The following GUCY1A1 variants were observed in gnomAD, a reference collection of about 807,000 sequenced individuals.
GUCY1A1 encodes guanylate cyclase soluble subunit alpha-1.
A neutral mutation model predicts 64.5 loss-of-function variants in GUCY1A1; 48 were observed. That is an observed-to-expected ratio of 0.74 (90% confidence interval 0.59 to 0.95). The LOEUF is 0.95. Ranked by LOEUF, GUCY1A1 falls within the 40% of genes least tolerant of loss-of-function variation. The pLI is 0.00. For missense variants in GUCY1A1, 804 were observed against 825.3 expected, an observed-to-expected ratio of 0.97 and a Z score of 0.32; for synonymous variants, 308 against 303.4, an observed-to-expected ratio of 1.02 and a Z score of -0.16.
At chr4:155,721,870 T>G (rs1281493611) in intron 8 of GUCY1A1, among the ~76,000 whole-genome samples, 168 bp from the exon 9 acceptor site, 1 of 152,152 alleles carries the variant, frequency 6.6e-6, no homozygotes, top group African/African-American at 2.4e-5. Context: ...GCACTAGTAA[T>G]TTTTAATTGC....
At chr4:155,698,136 T>C (rs1237606552) in intron 3 of GUCY1A1, among the ~76,000 whole-genome samples, 2 of 152,206 alleles carry the variant, frequency 1.3e-5, no homozygotes, top group Non-Finnish European at 2.9e-5. Context: ...GTTCAGTGAC[T>C]TGACCAAAAT....
rs536137312 is a variant in GUCY1A1 at position 155,722,277 on chromosome 4, A to G, written c.1871+85A>G. On this transcript the variant is annotated intron_variant, in intron 9 of 9. Transcript: ENST00000506455. The stretch of plus-strand genomic sequence containing the variant: ...GCCCCACTGATTTGATTCATTCTTC[A>G]TAACTTTTTTCTTCCTTAGTCGTAA... 181 of 1,518,760 alleles carry G rather than the reference A, an allele frequency of 1.2e-4. 2 individuals are homozygous for G. In the South Asian group the frequency reaches 2.3e-3, roughly 19 times the overall value. The allele number at this position is 1,518,760 out of a possible 1,614,324, so 94.1% of individuals were successfully genotyped here. A position where few individuals can be genotyped will look rare whatever the true frequency, so the allele number is the denominator to read the frequency against.
At chr4:155,706,209 A>G (rs1185543452) in intron 4 of GUCY1A1, among the ~76,000 whole-genome samples, 2 of 152,220 alleles carry the variant, frequency 1.3e-5, no homozygotes, top group South Asian at 2.1e-4. Flanking sequence ...ATCTGATTAT[A>G]CTTTTAAATT....
intron 2 of GUCY1A1, among the ~76,000 whole-genome samples, chr4:155,694,040 C>G (rs1224718994): frequency 3.3e-5 from 5 of 152,116 alleles, no homozygotes; most frequent in African/African-American, 1.2e-4. Flanking sequence ...AACCTATAAT[C>G]TTCCATTTCT....
rs573469754 is a variant in GUCY1A1, at chr4:155,730,472, T to C, written c.*241T>C. The C allele has an allele frequency of 1.2e-4, 45 of 366,824 alleles. No homozygotes were observed. Among genetic ancestry groups the C allele is most frequent in the Non-Finnish European group, 2.2e-4 (44 of 201,536 alleles). 22.7% of individuals were successfully genotyped at this position (366,824 alleles called of 1,614,324 possible). On this transcript the variant is annotated 3_prime_UTR_variant, in exon 10 of 10. Coordinates refer to ENST00000506455, the MANE Select transcript of GUCY1A1 (RefSeq NM_001130682.3). ...CTTTTGTGGGAGTATTTCTATTATA[T>C]AACCAGCACTTACTACCTGTACTCA...
chr4:155,688,144 C>T (rs901077108), intron 2 of GUCY1A1, among the ~76,000 whole-genome samples: 13 of 151,818 alleles, frequency 8.6e-5, no homozygotes, highest in South Asian at 6.2e-4. Flanking sequence ...AGGAGAATGG[C>T]GTGAACCCGG....
intron 2 of GUCY1A1, among the ~76,000 whole-genome samples, chr4:155,673,450 G>A (rs2126522702): frequency 1.3e-5 from 2 of 151,674 alleles, no homozygotes; most frequent in South Asian, 4.1e-4. Context: ...AAGAGAGTTC[G>A]GTATGATGGA....
At chr4:155,680,930 C>G (rs1156453833) in intron 2 of GUCY1A1, among the ~76,000 whole-genome samples, 1 of 144,366 alleles carries the variant, frequency 6.9e-6, no homozygotes, top group African/African-American at 2.5e-5. Context: ...GATACACACA[C>G]ACACACACAC....
At chr4:155,680,257 G>C (rs971103376) in intron 2 of GUCY1A1, among the ~76,000 whole-genome samples, 1 of 152,106 alleles carries the variant, frequency 6.6e-6, no homozygotes, top group Non-Finnish European at 1.5e-5. Context: ...TAAGCCTTTG[G>C]TTAGATTTAT....
Position 155,734,130 on chromosome 4 carries a change from A to G in GUCY1A1, c.*3899A>G, listed in dbSNP as rs183960985. ...CCCAGCTCTGTCTCAGGTTAGGTTA[A>G]AAGAAGGCATAGGATGGAAGAGGGT... On this transcript the variant is annotated 3_prime_UTR_variant, in exon 10 of 10. Coordinates refer to ENST00000506455, the MANE Select transcript of GUCY1A1 (RefSeq NM_001130682.3). 7.9e-5 allele frequency among the ~76,000 whole-genome samples: 12 copies of G among 152,008 alleles called. No individual in the cohort carries two copies. Among genetic ancestry groups the G allele is most frequent in the Admixed American group, 7.9e-4 (12 of 15,234 alleles).
At chr4:155,719,304 T>C (rs1427829452) in intron 8 of GUCY1A1, among the ~76,000 whole-genome samples, 1 of 152,164 alleles carries the variant, frequency 6.6e-6, no homozygotes, top group Non-Finnish European at 1.5e-5. Flanking sequence ...CCCTAAAAGA[T>C]ACCGGTGAAA....
At chr4:155,720,130 G>A (rs1017840781) in intron 8 of GUCY1A1, among the ~76,000 whole-genome samples, 1 of 152,094 alleles carries the variant, frequency 6.6e-6, no homozygotes, top group Non-Finnish European at 1.5e-5. Flanking sequence ...TGTCTGCATC[G>A]TTTCGGTTTT....
chr4:155,729,846 G>T (rs930662146), intron 9 of GUCY1A1, among the ~76,000 whole-genome samples, 184 bp from the exon 10 acceptor site: 9 of 151,694 alleles, frequency 5.9e-5, no homozygotes, highest in Non-Finnish European at 1.3e-4. Flanking sequence ...CAATTTTCTT[G>T]TTGTGAATTG....
intron 3 of GUCY1A1, among the ~76,000 whole-genome samples, chr4:155,701,724 A>C (rs946927057): frequency 6.1e-4 from 92 of 150,874 alleles, no homozygotes; most frequent in Admixed American, 5.3e-3. Flanking sequence ...GGATCACTGG[A>C]GCTCAGGAGT....
At chr4:155,698,140 C>T (rs530273681) in intron 3 of GUCY1A1, among the ~76,000 whole-genome samples, 4 of 152,100 alleles carry the variant, frequency 2.6e-5, no homozygotes, top group South Asian at 4.1e-4. Flanking sequence ...AGTGACTTGA[C>T]CAAAATTACA....
rs28615104 is a variant in GUCY1A1 at position 155,730,620 on chromosome 4, G to A, written c.*389G>A. 8,019 of 155,142 alleles carry A rather than the reference G, an allele frequency of 0.052. 712 individuals are homozygous for A. The highest frequency in any genetic ancestry group is 0.18 in the African/African-American group (7,589 of 41,246). 9.6% of individuals were successfully genotyped at this position (155,142 alleles called of 1,614,324 possible). A position where few individuals can be genotyped will look rare whatever the true frequency, so the allele number is the denominator to read the frequency against. On this transcript the variant is annotated 3_prime_UTR_variant, in exon 10 of 10. Transcript: ENST00000506455. Reference sequence around the variant, plus strand: ...ATTAAAGTGTGTTTGTGATAGTGTCGTCAAAAAAAAGGTTTTTGAATAGAA... The same window carrying A: ...ATTAAAGTGTGTTTGTGATAGTGTCATCAAAAAAAAGGTTTTTGAATAGAA...
At chr4:155,688,067 CA>C (rs937238185) in intron 2 of GUCY1A1, among the ~76,000 whole-genome samples, 73 of 144,714 alleles carry the variant, frequency 5.0e-4, no homozygotes, top group South Asian at 6.5e-4. Flanking sequence ...ACTAAAAATA[CA>C]AAAAAAAAAA....
chr4:155,695,083 T>C (rs1205494273), intron 2 of GUCY1A1, among the ~76,000 whole-genome samples: 1 of 152,216 alleles, frequency 6.6e-6, no homozygotes, highest in Non-Finnish European at 1.5e-5. Context: ...TTCCATAAAT[T>C]ATATATGAGC....
intron 2 of GUCY1A1, among the ~76,000 whole-genome samples, chr4:155,689,278 G>C (rs1391135160): frequency 6.6e-6 from 1 of 151,578 alleles, no homozygotes; most frequent in Non-Finnish European, 1.5e-5. Flanking sequence ...CCTCTGCAAG[G>C]AACTATTTTA....
Sources: gnomAD v4.1 joint callset for allele counts (sites outside exome capture counted in the v4.1 genomes callset) on GRCh38, gnomAD v4.1.1 for gene constraint, MANE v1.5 for transcripts, NCBI Gene and HGNC (gene_info 2026-07-23, HGNC 2026-07-21) for gene names.